EML4: variants seen among roughly 807,000 people sequenced by gnomAD.
EML4 encodes the protein echinoderm microtubule-associated protein-like 4.
Under a neutral mutation model 129.0 loss-of-function variants are expected in EML4, and 72 were observed. The ratio of observed to expected loss-of-function variants is 0.56; its 90% CI spans 0.46 to 0.68. The LOEUF (loss-of-function observed/expected upper bound fraction) is 0.68. Ranked by LOEUF, EML4 falls within the 30% of genes least tolerant of loss-of-function variation. EML4 has a pLI of 0.00. For synonymous variants in EML4, 532 were observed against 405.0 expected (o/e 1.31, Z -3.77); for missense variants, 1,363 against 1,190.6 (o/e 1.14, Z -2.13).
At chr2:42,243,174 G>C (rs1675152491) in intron 1 of EML4, among the ~76,000 whole-genome samples, 1 of 152,146 alleles carries the variant, frequency 6.6e-6, no homozygotes, top group Non-Finnish European at 1.5e-5. Flanking sequence ...AAGCATCATA[G>C]ATTGACAGCT....
intron 14 of EML4, among the ~76,000 whole-genome samples, chr2:42,301,796 A>C (rs2103715807): frequency 6.6e-6 from 1 of 152,008 alleles, no homozygotes; most frequent in East Asian, 1.9e-4. Flanking sequence ...CTTGGATTTT[A>C]TTTCCAGGAA....
intron 1 of EML4, among the ~76,000 whole-genome samples, chr2:42,230,216 G>T (rs1674244544): frequency 6.6e-6 from 1 of 152,112 alleles, no homozygotes; most frequent in Non-Finnish European, 1.5e-5. Context: ...GAGAGTTATT[G>T]CAAAGTGTGA....
At chr2:42,222,040 GTCT>G (rs1385705541) in intron 1 of EML4, among the ~76,000 whole-genome samples, 2 of 151,990 alleles carry the variant, frequency 1.3e-5, no homozygotes, top group African/African-American at 2.4e-5. Context: ...GCCTAAAGTT[GTCT>G]TCTTCTCTCC....
intron 2 of EML4, among the ~76,000 whole-genome samples, chr2:42,248,438 C>T (rs1340618871): frequency 6.6e-6 from 1 of 152,146 alleles, no homozygotes; most frequent in African/African-American, 2.4e-5. Context: ...GCACCTACTT[C>T]TCAATGTCAT....
At chr2:42,271,445 AT>A (rs1444179935) in intron 6 of EML4, among the ~76,000 whole-genome samples, 2 of 152,018 alleles carry the variant, frequency 1.3e-5, no homozygotes, top group Admixed American at 1.3e-4. Context: ...CAAAGATCTG[AT>A]TTCATAATGT....
chr2:42,298,809 T>TA (rs1459486206), intron 13 of EML4, among the ~76,000 whole-genome samples: 2 of 152,218 alleles, frequency 1.3e-5, no homozygotes, highest in African/African-American at 4.8e-5. Context: ...TTTATTTTCT[T>TA]ACATTCTGAT....
intron 3 of EML4, 27 bp downstream of exon 3, chr2:42,256,657 CT>C (rs769690260): frequency 1.3e-5 from 21 of 1,612,408 alleles, no homozygotes; most frequent in Non-Finnish European, 1.7e-5. Context: ...GGGGGAAAAA[CT>C]AACATTGCAG....
chr2:42,322,355 A>T, intron 19 of EML4, among the ~76,000 whole-genome samples: 1 of 152,242 alleles, frequency 6.6e-6, no homozygotes, highest in Admixed American at 6.5e-5. Context: ...CTGCACTGAT[A>T]CAGATATTTT....
intron 1 of EML4, among the ~76,000 whole-genome samples, chr2:42,220,826 C>G (rs1673546200): frequency 6.6e-6 from 1 of 152,142 alleles, no homozygotes. Context: ...GTTAAACAGC[C>G]TTATTGCAGA....
intron 13 of EML4, among the ~76,000 whole-genome samples, chr2:42,298,949 C>T (rs912055870): frequency 1.2e-4 from 18 of 152,052 alleles, no homozygotes; most frequent in African/African-American, 4.3e-4. Context: ...TTTTATTATC[C>T]AAATAAAGCC....
intron 1 of EML4, among the ~76,000 whole-genome samples, chr2:42,239,849 T>C (rs1674906298): frequency 6.6e-6 from 1 of 152,070 alleles, no homozygotes; most frequent in Admixed American, 6.6e-5. Flanking sequence ...GAAAATATAT[T>C]CATTTACTGA....
At chr2:42,324,164 G>A (rs1052699776) in intron 19 of EML4, among the ~76,000 whole-genome samples, 2 of 152,022 alleles carry the variant, frequency 1.3e-5, no homozygotes, top group Admixed American at 1.3e-4. Flanking sequence ...GGATGGTGGT[G>A]CACACCTGTA....
At chr2:42,240,657 C>T (rs564582325) in intron 1 of EML4, among the ~76,000 whole-genome samples, 2 of 152,260 alleles carry the variant, frequency 1.3e-5, no homozygotes, top group African/African-American at 4.8e-5. Flanking sequence ...CCTTAGACTT[C>T]AGGTCATTTC....
chr2:42,176,990 ACC>A (rs1670643722), intron 1 of EML4, among the ~76,000 whole-genome samples: 1 of 152,010 alleles, frequency 6.6e-6, no homozygotes, highest in Non-Finnish European at 1.5e-5. Context: ...GACGGGTTTC[ACC>A]ATGTTGGCCA....
rs1668503372 is a variant in EML4 at position 42,304,875 on chromosome 2, T to G, written c.1967+324T>G. Among the ~76,000 whole-genome samples the G allele has an allele frequency of 2.0e-5, 3 of 152,072 alleles. No homozygotes were observed. In the South Asian group the frequency reaches 6.2e-4, roughly 32 times the overall value. ...AGCCAGGCACAGTAATCCCAGCACTTTGGGAGGCCAAGGTGGGCGGATCAC... is the reference window on the plus strand; with the variant it reads ...AGCCAGGCACAGTAATCCCAGCACTGTGGGAGGCCAAGGTGGGCGGATCAC... On this transcript the variant is annotated intron_variant, in intron 17 of 22. Coordinates refer to ENST00000318522, the MANE Select transcript of EML4 (RefSeq NM_019063.5).
At chr2:42,246,013 T>C (rs964262621) in intron 2 of EML4, among the ~76,000 whole-genome samples, 2 of 152,210 alleles carry the variant, frequency 1.3e-5, no homozygotes, top group Admixed American at 1.3e-4. Flanking sequence ...ATATTGAACA[T>C]AGGTGGTAGG....
chr2:42,261,059 T>C (rs963234833), intron 3 of EML4, 62 bp from the exon 4 acceptor site: 9 of 1,267,838 alleles, frequency 7.1e-6, no homozygotes, highest in Non-Finnish European at 5.5e-6. Context: ...CACTTTTCTA[T>C]CGTTTGATTT....
intron 1 of EML4, among the ~76,000 whole-genome samples, chr2:42,226,000 G>T (rs1025785905): frequency 6.6e-6 from 1 of 151,856 alleles, no homozygotes; most frequent in Admixed American, 6.6e-5. Flanking sequence ...AGGAAATAAT[G>T]CTACCCAAAT....
intron 10 of EML4, among the ~76,000 whole-genome samples, chr2:42,287,142 A>G (rs566019604): frequency 1.3e-5 from 2 of 152,204 alleles, no homozygotes; most frequent in African/African-American, 2.4e-5. Flanking sequence ...GCCATTGGCA[A>G]CTGTATTCTG....
Sources: gnomAD v4.1 joint callset for allele counts (sites outside exome capture counted in the v4.1 genomes callset) on GRCh38, gnomAD v4.1.1 for gene constraint, MANE v1.5 for transcripts, NCBI Gene and HGNC (gene_info 2026-07-23, HGNC 2026-07-21) for gene names.